BABAM2: variants seen among roughly 807,000 people sequenced by gnomAD.
BABAM2 encodes BRISC and BRCA1-A complex member 2.
BABAM2 carries 31 observed loss-of-function variants against 54.7 expected under a neutral mutation model. The observed-to-expected ratio is 0.57, with a 90% CI of 0.43 to 0.77. The LOEUF (loss-of-function observed/expected upper bound fraction) is 0.77. Among genes scored for constraint, BABAM2 ranks in the 30% least tolerant of loss-of-function variants. The probability of loss-of-function intolerance (pLI) is 0.00; values close to 1 mark genes in which losing one functional copy is unlikely to be tolerated. For synonymous variants in BABAM2, 167 were observed against 162.9 expected, an observed-to-expected ratio of 1.03 and a Z score of -0.19; for missense variants, 364 against 455.8, an observed-to-expected ratio of 0.80 and a Z score of 1.83.
At chr2:28,145,262 G>T (rs954925158) in intron 7 of BABAM2, among the ~76,000 whole-genome samples, 2 of 152,144 alleles carry the variant, frequency 1.3e-5, no homozygotes, top group Admixed American at 1.3e-4. Context: ...CTGTAAATAC[G>T]CATCTCTTCT....
intron 3 of BABAM2, among the ~76,000 whole-genome samples, chr2:27,964,436 C>G (rs1670696012): frequency 6.6e-6 from 1 of 152,186 alleles, no homozygotes; most frequent in Non-Finnish European, 1.5e-5. Flanking sequence ...AAAGCAGTTA[C>G]ATGAAAAAAT....
At chr2:27,983,648 A>G (rs1057456059) in intron 3 of BABAM2, among the ~76,000 whole-genome samples, 8 of 152,170 alleles carry the variant, frequency 5.3e-5, no homozygotes, top group African/African-American at 1.4e-4. Context: ...AATGTTGTGT[A>G]GTTGCTAGTG....
intron 5 of BABAM2, among the ~76,000 whole-genome samples, chr2:28,038,279 A>G (rs534030956): frequency 6.6e-6 from 1 of 152,150 alleles, no homozygotes; most frequent in Admixed American, 6.5e-5. Context: ...AATTCCCTCC[A>G]AGTAATGAGC....
intron 5 of BABAM2, among the ~76,000 whole-genome samples, chr2:28,028,577 A>G (rs1488947774): frequency 1.3e-5 from 2 of 152,282 alleles, no homozygotes; most frequent in East Asian, 3.9e-4. Context: ...CTGGTAAATC[A>G]CAAACGCCTG....
intron 3 of BABAM2, among the ~76,000 whole-genome samples, chr2:27,982,844 TACACACACACACACACACAC>T (rs146744707): frequency 1.6e-5 from 2 of 127,234 alleles, no homozygotes; most frequent in African/African-American, 3.3e-5. Context: ...TCATTATGTG[TACACACACACACACACACAC>T]ACACACACAC....
intron 2 of BABAM2, among the ~76,000 whole-genome samples, chr2:27,910,318 T>C (rs1666490754): frequency 6.6e-6 from 1 of 151,034 alleles, no homozygotes; most frequent in African/African-American, 2.5e-5. Context: ...AAAAAAGTCA[T>C]TAGAAAGCAT....
At chr2:28,315,428 TTTCTTTTCTTTTC>T (rs1354986354) in intron 11 of BABAM2, among the ~76,000 whole-genome samples, 1 of 22,516 alleles carries the variant, frequency 4.4e-5, no homozygotes, top group Non-Finnish European at 9.8e-5. Flanking sequence ...TCTTTTTTCT[TTTCTTTTCTTTTC>T]TTTTCTTTTC....
intron 4 of BABAM2, among the ~76,000 whole-genome samples, chr2:28,017,706 A>G (rs1674946059): frequency 1.3e-5 from 2 of 152,172 alleles, no homozygotes; most frequent in Admixed American, 1.3e-4. Flanking sequence ...CTAGGCAACC[A>G]CTAATTTACA....
chr2:28,268,454 G>A (rs910385222), intron 10 of BABAM2, among the ~76,000 whole-genome samples: 1 of 152,186 alleles, frequency 6.6e-6, no homozygotes, highest in Admixed American at 6.5e-5. Context: ...CATAGATTCA[G>A]TCATGTTCTG....
At position 28,060,834 on chromosome 2, in the gene BABAM2, A is replaced by T. The variant is rs181635970; in HGVS notation, c.570+15035A>T. Among the ~76,000 whole-genome samples the T allele has an allele frequency of 1.4e-4, 22 of 152,326 alleles. No individual in the cohort carries two copies. In the East Asian group the frequency reaches 4.2e-3, roughly 29 times the overall value. ...ACATTGCTGAGAGAAACTAATGAAG[A>T]TCTAAACAAATGGATATGTCATGTT... On this transcript the variant is annotated intron_variant, in intron 6 of 11. Coordinates refer to ENST00000379624, the MANE Select transcript of BABAM2 (RefSeq NM_199191.3).
chr2:28,026,959 A>AAAAT (rs1553414641), intron 5 of BABAM2, among the ~76,000 whole-genome samples: 5 of 9,294 alleles, frequency 5.4e-4, no homozygotes, highest in African/African-American at 8.5e-4. Flanking sequence ...AATATATATA[A>AAAAT]ATATATATAT....
intron 11 of BABAM2, among the ~76,000 whole-genome samples, chr2:28,321,534 G>T (rs1222175162): frequency 6.6e-6 from 1 of 152,124 alleles, no homozygotes; most frequent in Admixed American, 6.6e-5. Context: ...AGCAGAATGA[G>T]GCTGTGTCAC....
At chr2:28,186,632 G>C (rs1436807152) in intron 7 of BABAM2, among the ~76,000 whole-genome samples, 1 of 151,872 alleles carries the variant, frequency 6.6e-6, no homozygotes, top group Non-Finnish European at 1.5e-5. Flanking sequence ...AGAGAGAGGG[G>C]AGAAAGAGAG....
intron 7 of BABAM2, among the ~76,000 whole-genome samples, chr2:28,139,354 A>T (rs1011732041): frequency 6.6e-6 from 1 of 150,714 alleles, no homozygotes; most frequent in East Asian, 2.0e-4. Context: ...AAGAAAAAGA[A>T]AAAAAAGAGG....
intron 4 of BABAM2, among the ~76,000 whole-genome samples, chr2:28,010,774 C>G (rs990388448): frequency 6.6e-6 from 1 of 152,006 alleles, no homozygotes; most frequent in African/African-American, 2.4e-5. Flanking sequence ...TGGTTTCTTC[C>G]CATTTCTTTT....
At chr2:28,060,012 T>C (rs1225296950) in intron 6 of BABAM2, among the ~76,000 whole-genome samples, 1 of 152,214 alleles carries the variant, frequency 6.6e-6, no homozygotes, top group African/African-American at 2.4e-5. Flanking sequence ...AGGACAGCAC[T>C]ACTTGATGAC....
intron 7 of BABAM2, among the ~76,000 whole-genome samples, chr2:28,208,613 C>T (rs868752892): frequency 6.6e-6 from 1 of 151,682 alleles, no homozygotes; most frequent in Admixed American, 6.6e-5. Context: ...TCCCCTTTCC[C>T]TCCCTCCCTC....
At chr2:28,141,796 T>C (rs1474491066) in intron 7 of BABAM2, among the ~76,000 whole-genome samples, 1 of 152,210 alleles carries the variant, frequency 6.6e-6, no homozygotes, top group Non-Finnish European at 1.5e-5. Flanking sequence ...GATTGGTTTG[T>C]TATATTAATA....
chr2:27,902,894 C>CGT (rs1381879164), intron 2 of BABAM2, among the ~76,000 whole-genome samples: 1 of 133,988 alleles, frequency 7.5e-6, no homozygotes, highest in Non-Finnish European at 1.7e-5. Context: ...CCTGTGTGCA[C>CGT]GTGTGTGTGT....
Sources: allele counts gnomAD v4.1 joint callset (sites outside exome capture counted in the v4.1 genomes callset), GRCh38; gene constraint gnomAD v4.1.1; transcripts MANE v1.5; gene names NCBI Gene and HGNC (gene_info 2026-07-23, HGNC 2026-07-21).